Variants in SAMMSON observed in about 807,000 individuals in gnomAD.
The protein encoded by SAMMSON is long intergenic non-protein coding RNA 1212.
At chr3:70,429,070 T>C (rs1289254571) in intron 2 of SAMMSON, among the ~76,000 whole-genome samples, 1 of 152,222 alleles carries the variant, frequency 6.6e-6, no homozygotes, top group Non-Finnish European at 1.5e-5. Flanking sequence ...GCCTAGGTTT[T>C]CTTCTAAGGT....
intron 4 of SAMMSON, chr3:70,094,568 T>C (rs1046572504): frequency 6.6e-6 from 1 of 152,216 alleles, no homozygotes; most frequent in African/African-American, 2.4e-5. Flanking sequence ...CTGATTTAAA[T>C]TGTCCCTTCC....
intron 1 of SAMMSON, among the ~76,000 whole-genome samples, chr3:70,002,476 G>A (rs1174938471): frequency 6.6e-6 from 1 of 152,022 alleles, no homozygotes; most frequent in Non-Finnish European, 1.5e-5. Context: ...AAAACACAAA[G>A]AAAAGCCAGC....
chr3:70,128,039 T>G (rs1405939833), intron 4 of SAMMSON, among the ~76,000 whole-genome samples: 2 of 152,164 alleles, frequency 1.3e-5, no homozygotes, highest in African/African-American at 4.8e-5. Flanking sequence ...CATTTTCAGT[T>G]CACATGTTGA....
chr3:70,031,801 C>T (rs2067067082), intron 3 of SAMMSON, among the ~76,000 whole-genome samples: 1 of 152,120 alleles, frequency 6.6e-6, no homozygotes, highest in African/African-American at 2.4e-5. Context: ...ACACTGTAGA[C>T]CGACAGAGTT....
intron 3 of SAMMSON, among the ~76,000 whole-genome samples, chr3:70,019,070 T>G (rs1418694918): frequency 6.6e-6 from 1 of 152,160 alleles, no homozygotes; most frequent in Non-Finnish European, 1.5e-5. Flanking sequence ...TGATTTGGGG[T>G]GGAGAGTTCT....
chr3:70,371,780 G>A (rs1702972253), intron 9 of SAMMSON, among the ~76,000 whole-genome samples: 1 of 152,060 alleles, frequency 6.6e-6, no homozygotes, highest in Admixed American at 6.6e-5. Flanking sequence ...CATCTGCAAA[G>A]AGGGACATTT....
At chr3:70,286,456 C>A (rs1425715673) in intron 6 of SAMMSON, among the ~76,000 whole-genome samples, 1 of 151,802 alleles carries the variant, frequency 6.6e-6, no homozygotes, top group East Asian at 1.9e-4. Context: ...GTTTTGGTTA[C>A]TGTAGCCTTG....
chr3:70,327,338 G>A (rs1173129435), intron 7 of SAMMSON, among the ~76,000 whole-genome samples: 1 of 152,190 alleles, frequency 6.6e-6, no homozygotes, highest in Non-Finnish European at 1.5e-5. Context: ...ACAACAAGCT[G>A]TGCAGGACAG....
At chr3:70,238,382 G>A (rs990777297) in intron 4 of SAMMSON, among the ~76,000 whole-genome samples, 3 of 152,090 alleles carry the variant, frequency 2.0e-5, no homozygotes, top group Admixed American at 1.3e-4. Flanking sequence ...GCTGAGGCAA[G>A]AGGATCATTT....
intron 6 of SAMMSON, among the ~76,000 whole-genome samples, chr3:70,263,230 A>G (rs1380988734): frequency 6.6e-6 from 1 of 152,148 alleles, no homozygotes; most frequent in Non-Finnish European, 1.5e-5. Flanking sequence ...TTCTTTCTTC[A>G]GTAATTTTTA....
Position 70,151,845 on chromosome 3 carries a change from A to T in SAMMSON, n.507+80280A>T, listed in dbSNP as rs188792863. Reference sequence around the variant, plus strand: ...TAGAATTTTTGACTTTGAGTACATAAGTGAATTGTTTCTCAATCTCTCTAA... The same window carrying T: ...TAGAATTTTTGACTTTGAGTACATATGTGAATTGTTTCTCAATCTCTCTAA... On this transcript the variant is annotated intron_variant and non_coding_transcript_variant, in intron 4 of 9. Coordinates refer to ENST00000642114, the Ensembl canonical transcript of SAMMSON. Among the ~76,000 whole-genome samples the T allele has an allele frequency of 1.4e-4, 22 of 152,080 alleles. No individual in the cohort carries two copies. The East Asian group carries it at 4.3e-3, about 30-fold the overall frequency.
intron 4 of SAMMSON, among the ~76,000 whole-genome samples, chr3:70,189,082 A>T (rs1363493342): frequency 6.6e-6 from 1 of 152,160 alleles, no homozygotes; most frequent in East Asian, 1.9e-4. Context: ...CAGCACAAAG[A>T]AGTATAATCC....
chr3:70,179,336 A>G (rs942162428), intron 4 of SAMMSON, among the ~76,000 whole-genome samples: 3 of 152,196 alleles, frequency 2.0e-5, no homozygotes, highest in African/African-American at 7.2e-5. Flanking sequence ...GGTGTTTAAT[A>G]CAGACATTTT....
chr3:70,100,382 A>G (rs760465240), intron 4 of SAMMSON, among the ~76,000 whole-genome samples: 6 of 152,102 alleles, frequency 3.9e-5, no homozygotes, highest in Non-Finnish European at 8.8e-5. Flanking sequence ...TCTTGAGCTC[A>G]AGCAATCTGT....
intron 9 of SAMMSON, among the ~76,000 whole-genome samples, chr3:70,382,732 A>T (rs994843496): frequency 6.6e-6 from 1 of 152,124 alleles, no homozygotes; most frequent in Non-Finnish European, 1.5e-5. Flanking sequence ...AAGCTGTTTG[A>T]AATGCTGGGA....
At chr3:70,415,012 G>A (rs535519471) in intron 2 of SAMMSON, among the ~76,000 whole-genome samples, 2 of 152,092 alleles carry the variant, frequency 1.3e-5, no homozygotes, top group African/African-American at 4.8e-5. Flanking sequence ...ATAGAGAAAA[G>A]CTGAAAAGAA....
chr3:70,342,323 G>T (rs945055801), intron 7 of SAMMSON, among the ~76,000 whole-genome samples: 10 of 152,170 alleles, frequency 6.6e-5, no homozygotes, highest in Non-Finnish European at 1.5e-5. Flanking sequence ...AGTAGCTGCA[G>T]TAAACACCTG....
chr3:70,055,308 C>T (rs549058054), intron 3 of SAMMSON, among the ~76,000 whole-genome samples: 28 of 152,164 alleles, frequency 1.8e-4, no homozygotes, highest in African/African-American at 6.7e-4. Flanking sequence ...GGCCACAGGC[C>T]AGATTTGACT....
At chr3:70,331,071 C>A (rs533479126) in intron 7 of SAMMSON, among the ~76,000 whole-genome samples, 77 of 152,118 alleles carry the variant, frequency 5.1e-4, no homozygotes, top group African/African-American at 1.8e-3. Context: ...GATTGAGATC[C>A]CCAAATTGAA....
Sources: gnomAD v4.1 joint callset for allele counts (sites outside exome capture counted in the v4.1 genomes callset) on GRCh38, gnomAD v4.1.1 for gene constraint, MANE v1.5 for transcripts, NCBI Gene and HGNC (gene_info 2026-07-23, HGNC 2026-07-21) for gene names.